Variants in PRDM16 observed in about 807,000 individuals in gnomAD.
PRDM16 encodes the protein PR/SET domain 16.
A neutral mutation model predicts 110.6 loss-of-function variants in PRDM16; 23 were observed. That is an observed-to-expected ratio of 0.21 (90% CI 0.15 to 0.29). PRDM16 has a LOEUF of 0.29. PRDM16 is among the 10% of genes least tolerant of loss of function. PRDM16 has a pLI of 1.00. For missense variants in PRDM16, 1,615 were observed against 1,794.3 expected, an observed-to-expected ratio of 0.90 and a Z score of 1.81; for synonymous variants, 799 against 781.8, an observed-to-expected ratio of 1.02 and a Z score of -0.37.
chr1:3,151,968 TG>T (rs1305830912), intron 1 of PRDM16, among the ~76,000 whole-genome samples: 1 of 152,092 alleles, frequency 6.6e-6, no homozygotes, highest in Non-Finnish European at 1.5e-5. Context: ...AGGGGTCTGG[TG>T]GGTGGGAGTC....
chr1:3,383,946 C>G (rs1350416851), intron 3 of PRDM16, among the ~76,000 whole-genome samples: 4 of 151,816 alleles, frequency 2.6e-5, no homozygotes, highest in African/African-American at 4.8e-5. Flanking sequence ...CACTTGCCCA[C>G]CAGGACACAC....
intron 1 of PRDM16, among the ~76,000 whole-genome samples, chr1:3,094,325 G>A (rs1353387279): frequency 6.6e-6 from 1 of 152,266 alleles, no homozygotes; most frequent in Non-Finnish European, 1.5e-5. Context: ...CCACGGAATT[G>A]TCAGAGCGGA....
intron 3 of PRDM16, among the ~76,000 whole-genome samples, chr1:3,298,502 C>T (rs1319390248): frequency 1.3e-5 from 2 of 152,196 alleles, no homozygotes; most frequent in African/African-American, 4.8e-5. Context: ...ACATTGAATC[C>T]CCACCCCCCG....
chr1:3,198,389 A>G (rs924619761), intron 2 of PRDM16, among the ~76,000 whole-genome samples: 1 of 152,152 alleles, frequency 6.6e-6, no homozygotes, highest in African/African-American at 2.4e-5. Flanking sequence ...GTCGTTTGGG[A>G]CATATGTGAG....
rs1638267225 is a variant in PRDM16, at chr1:3,190,262, T to C, written c.387+3788T>C. Among the ~76,000 whole-genome samples the C allele has an allele frequency of 6.6e-6, 1 of 150,392 alleles. No homozygotes were observed. The highest frequency in any genetic ancestry group is 1.5e-5 in the Non-Finnish European group (1 of 67,948). On this transcript the variant is annotated intron_variant, in intron 2 of 16. Transcript: ENST00000270722. This position sits in a 1 kb window ranked among gnomAD's most constrained non-coding sequence, Gnocchi z 5.0. ...GTGGGGCAGCCTTACTTCAAGGTCGTGGGGCAGCCTTACTTCAAGGTCGTG... is the reference window on the plus strand; with the variant it reads ...GTGGGGCAGCCTTACTTCAAGGTCGCGGGGCAGCCTTACTTCAAGGTCGTG...
intron 16 of PRDM16, among the ~76,000 whole-genome samples, chr1:3,433,257 C>T (rs1189479543): frequency 1.3e-5 from 2 of 152,262 alleles, no homozygotes; most frequent in Non-Finnish European, 1.5e-5. Context: ...GGCCCTCGTC[C>T]CTCCCGCCGT....
Position 3,208,727 on chromosome 1 carries a change from T to C in PRDM16, c.387+22253T>C, listed in dbSNP as rs1419453796. 1 of 151,708 alleles carries C rather than the reference T, an allele frequency of 6.6e-6. No homozygotes were observed. Among genetic ancestry groups the C allele is most frequent in the Non-Finnish European group, 1.5e-5 (1 of 68,024 alleles). 9.4% of individuals were successfully genotyped at this position (151,708 alleles called of 1,614,324 possible). ...AGTGTCTCCAGATATCTCCGCCAGG[T>C]GTCTGCCTGGGCAGCAGAGTTGCTG... On this transcript the variant is annotated intron_variant, in intron 2 of 16. Transcript: ENST00000270722. The surrounding 1 kb of genome is among the most constrained non-coding windows in gnomAD (Gnocchi z 6.1).
chr1:3,375,075 A>G (rs1179547353), intron 3 of PRDM16, among the ~76,000 whole-genome samples: 1 of 152,186 alleles, frequency 6.6e-6, no homozygotes, highest in African/African-American at 2.4e-5. Flanking sequence ...GCAGCTGGAA[A>G]GCAGAAAAGA....
At chr1:3,414,121 G>A (rs1263654107) in intron 9 of PRDM16, among the ~76,000 whole-genome samples, 3 of 152,230 alleles carry the variant, frequency 2.0e-5, no homozygotes, top group Non-Finnish European at 2.9e-5. Context: ...CAGGTCCAGG[G>A]ACCCCCTTCA....
At chr1:3,424,975 C>T (rs1406054494) in intron 12 of PRDM16, 1 of 151,798 alleles carries the variant, frequency 6.6e-6, no homozygotes, top group Non-Finnish European at 1.5e-5. Flanking sequence ...GCAGGAGACG[C>T]CGGAGGGTCG....
intron 3 of PRDM16, among the ~76,000 whole-genome samples, chr1:3,336,993 G>GTGCA (rs760229404): frequency 2.6e-5 from 4 of 151,058 alleles, no homozygotes; most frequent in African/African-American, 9.7e-5. Flanking sequence ...GAATCTGTGT[G>GTGCA]TGCATGCATG....
Position 3,432,102 on chromosome 1 carries a change from G to T in PRDM16, c.3658G>T (p.Ala1220Ser). Residue 1220 changes from alanine to serine, a missense_variant, in exon 16 of 17, where the codon GCT becomes TCT. Ala to Ser is a moderately conservative substitution (Grantham distance 99). Around this residue, in one of 5 missense-constraint regions of PRDM16, gnomAD observed 327 missense variants for 359.3 expected, o/e 0.91. Coordinates refer to ENST00000270722, the MANE Select transcript of PRDM16 (RefSeq NM_022114.4). Reference protein sequence around the residue: ...DVLNSTLDSEALKHTLCRQAK... With the variant: ...DVLNSTLDSESLKHTLCRQAK... Reference sequence around the variant, plus strand: ...GCTTAATTCCACCTTAGATTCTGAGGCTTTAAAACATACACTGTGCAGGCA... The same window carrying T: ...GCTTAATTCCACCTTAGATTCTGAGTCTTTAAAACATACACTGTGCAGGCA... 6.2e-7 allele frequency: 1 copy of T among 1,613,984 alleles called. No homozygotes were observed. Among genetic ancestry groups the T allele is most frequent in the South Asian group, 1.1e-5 (1 of 91,082 alleles).
At chr1:3,379,454 A>G (rs575987681) in intron 3 of PRDM16, among the ~76,000 whole-genome samples, 2 of 5,948 alleles carry the variant, frequency 3.4e-4, no homozygotes, top group African/African-American at 2.8e-3. Flanking sequence ...ACCCCTCCCA[A>G]CACACCCCTC....
chr1:3,275,851 C>A (rs987007278), intron 3 of PRDM16, among the ~76,000 whole-genome samples: 1 of 152,200 alleles, frequency 6.6e-6, no homozygotes, highest in Admixed American at 6.5e-5. Flanking sequence ...CCCAGCCAGG[C>A]CCTAGTCTCT....
rs768230502 is a variant in PRDM16, at chr1:3,412,774, G to T, written c.2577G>T (p.Ser859=). 1 of 1,484,648 alleles carries T rather than the reference G, an allele frequency of 6.7e-7. No homozygotes were observed. Among genetic ancestry groups the T allele is most frequent in the Non-Finnish European group, 9.0e-7 (1 of 1,116,758 alleles). The allele number at this position is 1,484,648 out of a possible 1,614,324, so 92.0% of individuals were successfully genotyped here. ...QQPPLHYAKP[S]PFFMDPIYSR... ...CCCCGCTCCACTACGCCAAGCCCTC[G>T]CCCTTCTTCATGGACCCCATCTACA... Residue 859 remains serine (S), a synonymous_variant, in exon 9 of 17, where the codon TCG becomes TCT. Transcript: ENST00000270722.
At chr1:3,352,638 T>C (rs1642517000) in intron 3 of PRDM16, among the ~76,000 whole-genome samples, 1 of 152,246 alleles carries the variant, frequency 6.6e-6, no homozygotes, top group Non-Finnish European at 1.5e-5. Flanking sequence ...TGTTCCCGAA[T>C]ACTTGCGCTG....
At chr1:3,257,558 G>A (rs1425884106) in intron 3 of PRDM16, among the ~76,000 whole-genome samples, 1 of 142,664 alleles carries the variant, frequency 7.0e-6, no homozygotes, top group Non-Finnish European at 1.5e-5. Flanking sequence ...ACTTGGTTAA[G>A]ACAATGAGTT....
intron 5 of PRDM16, 43 bp downstream of exon 5, chr1:3,396,636 C>T: frequency 1.2e-6 from 1 of 811,510 alleles, no homozygotes; most frequent in South Asian, 1.7e-5. Flanking sequence ...CCTGGGAGCC[C>T]CCAGCCAGCC....
intron 3 of PRDM16, among the ~76,000 whole-genome samples, chr1:3,375,305 T>G (rs994678068): frequency 6.6e-6 from 1 of 152,212 alleles, no homozygotes; most frequent in Non-Finnish European, 1.5e-5. Flanking sequence ...GCCCAAGGTT[T>G]CGACAGACCC....
Sources: gnomAD v4.1 joint callset for allele counts (sites outside exome capture counted in the v4.1 genomes callset) on GRCh38, gnomAD v4.1.1 for gene constraint, gnomAD v4.1.1 regional missense constraint, Gnocchi (gnomAD v3.1) non-coding constraint, MANE v1.5 for transcripts, NCBI Gene and HGNC (gene_info 2026-07-23, HGNC 2026-07-21) for gene names.